DGKI: variants seen among roughly 807,000 people sequenced by gnomAD.
DGKI encodes the protein diacylglycerol kinase iota, also known as DAG kinase iota.
Under a neutral mutation model 147.5 loss-of-function variants are expected in DGKI, and 55 were observed. That is an observed-to-expected ratio of 0.37 (90% CI 0.30 to 0.47). DGKI has a LOEUF of 0.47. Ranked by LOEUF, DGKI falls within the 20% of genes least tolerant of loss-of-function variation. The pLI, the probability that DGKI is intolerant of heterozygous loss-of-function variation, is 1.00. For synonymous variants in DGKI, 469 were observed against 477.1 expected (o/e 0.98, Z 0.22); for missense variants, 1,007 against 1,323.8 (o/e 0.76, Z 3.71).
At position 137,846,802 on chromosome 7, in the gene DGKI, G is replaced by T. The variant is rs1418437648; in HGVS notation, c.61C>A (p.Arg21Ser). 8.0e-6 allele frequency: 9 copies of T among 1,121,454 alleles called. No individual in the cohort carries two copies. The highest frequency in any genetic ancestry group is 6.6e-5 in the African/African-American group (4 of 60,648). 69.5% of individuals were successfully genotyped at this position (1,121,454 alleles called of 1,614,324 possible). The change falls in exon 1 of 33, where the codon CGC (arginine) becomes AGC (serine). Residue 21 changes from arginine to serine, a missense_variant. Around this residue, in one of 5 missense-constraint regions of DGKI, gnomAD observed 137 missense variants for 114.4 expected, o/e 1.20. Transcript: ENST00000614521. The surrounding 1 kb of genome is among the most constrained non-coding windows in gnomAD (Gnocchi z 4.0). ...GCGGCGGCGGCGGCTGCAGGAGCGCGGGCAGGTCCGCGCGCCGCTGGCAGG... is the reference window on the plus strand; with the variant it reads ...GCGGCGGCGGCGGCTGCAGGAGCGCTGGCAGGTCCGCGCGCCGCTGGCAGG... ...LPLPAARGPA[R>S]APAAAAAAAA... is the part of the protein sequence containing the mutation.
intron 1 of DGKI, among the ~76,000 whole-genome samples, chr7:137,700,212 A>T (rs1823929497): frequency 6.6e-6 from 1 of 152,204 alleles, no homozygotes; most frequent in African/African-American, 2.4e-5. Context: ...AAGGAAACAG[A>T]AGTCATCCCA....
chr7:137,471,956 T>A (rs1282582254), intron 23 of DGKI, among the ~76,000 whole-genome samples: 1 of 128,562 alleles, frequency 7.8e-6, no homozygotes, highest in Non-Finnish European at 1.6e-5. Context: ...CATGTATATA[T>A]TATATATTAT....
intron 19 of DGKI, among the ~76,000 whole-genome samples, chr7:137,559,451 A>G (rs972823005): frequency 9.2e-5 from 14 of 152,020 alleles, no homozygotes; most frequent in Admixed American, 8.5e-4. Flanking sequence ...TGACTATATA[A>G]GTGATGTGAT....
In DGKI at chr7:137,720,250, CTTTTTTTTTTTTTT is replaced by C. The variant is rs552382033; in HGVS notation, c.402-30262_402-30249del. 1.2e-3 allele frequency among the ~76,000 whole-genome samples: 104 copies of C among 88,240 alleles called. 2 individuals carry two copies. The East Asian group carries it at 0.035, about 29-fold the overall frequency. 57.9% of individuals were successfully genotyped at this position (88,240 alleles called of 152,430 possible). On this transcript the variant is annotated intron_variant, in intron 1 of 32. Coordinates refer to ENST00000614521, the MANE Select transcript of DGKI (RefSeq NM_001321708.2). ...TAAGGTTTTTCACACTTGAAAAAATCTTTTTTTTTTTTTTTTTTTTTTTTTGAGACAGAGTCTCG... is the reference window on the plus strand; with the variant it reads ...TAAGGTTTTTCACACTTGAAAAAATCTTTTTTTTTTTGAGACAGAGTCTCG...
chr7:137,551,999 G>T (rs1234347022), intron 20 of DGKI, among the ~76,000 whole-genome samples: 1 of 152,206 alleles, frequency 6.6e-6, no homozygotes, highest in African/African-American at 2.4e-5. Context: ...CCTGGGTAAA[G>T]AGCAGGCTAA....
chr7:137,417,903 C>A (rs933450871), intron 28 of DGKI, among the ~76,000 whole-genome samples: 7 of 152,172 alleles, frequency 4.6e-5, no homozygotes, highest in Admixed American at 3.9e-4. Flanking sequence ...TTTGCTAGCA[C>A]CTTGATCTTG....
At chr7:137,722,631 T>G in intron 1 of DGKI, 1 of 1,580,644 alleles carries the variant, frequency 6.3e-7, no homozygotes, top group African/African-American at 1.4e-5. Context: ...TTACTGATGC[T>G]TACTTCAAGA....
At chr7:137,439,074 C>T (rs2128914941) in intron 28 of DGKI, among the ~76,000 whole-genome samples, 1 of 152,230 alleles carries the variant, frequency 6.6e-6, no homozygotes, top group South Asian at 2.1e-4. Flanking sequence ...ACATGAAGCT[C>T]CCAAATTCCT....
At chr7:137,633,572 C>T (rs573885348) in intron 6 of DGKI, among the ~76,000 whole-genome samples, 1 of 152,272 alleles carries the variant, frequency 6.6e-6, no homozygotes, top group South Asian at 2.1e-4. Flanking sequence ...AAGCAGGAGG[C>T]AGAGGTGGTG....
At chr7:137,636,723 TAGG>T (rs1821325227) in intron 6 of DGKI, among the ~76,000 whole-genome samples, 1 of 152,194 alleles carries the variant, frequency 6.6e-6, no homozygotes, top group African/African-American at 2.4e-5. Context: ...TGGGAACCGT[TAGG>T]AGGTGTTTGG....
intron 6 of DGKI, among the ~76,000 whole-genome samples, chr7:137,636,047 T>C (rs1821299068): frequency 1.3e-5 from 2 of 152,218 alleles, no homozygotes; most frequent in African/African-American, 4.8e-5. Flanking sequence ...ACAGGAGTAA[T>C]TGATCCTGAT....
chr7:137,499,800 T>C (rs927119922), intron 21 of DGKI, among the ~76,000 whole-genome samples: 16 of 152,306 alleles, frequency 1.1e-4, no homozygotes, highest in African/African-American at 3.8e-4. Flanking sequence ...TCTTGGCCAC[T>C]ATAATTGCAT....
chr7:137,698,604 C>G (rs1408128441), intron 1 of DGKI, among the ~76,000 whole-genome samples: 1 of 152,264 alleles, frequency 6.6e-6, no homozygotes, highest in Admixed American at 6.5e-5. Flanking sequence ...AGATGTGGAC[C>G]AGCAGCAGCC....
At chr7:137,489,235 T>C (rs948115081) in intron 21 of DGKI, among the ~76,000 whole-genome samples, 7 of 151,994 alleles carry the variant, frequency 4.6e-5, no homozygotes, top group Admixed American at 2.0e-4. Context: ...TAAATGAGTA[T>C]AAAAAGAGGG....
intron 1 of DGKI, among the ~76,000 whole-genome samples, chr7:137,755,713 C>T (rs775789871): frequency 7.2e-5 from 11 of 152,164 alleles, no homozygotes; most frequent in Non-Finnish European, 1.5e-4. Context: ...TCCTCCTATG[C>T]CCACTTCAGA....
At chr7:137,722,119 A>T (rs1794575259) in intron 1 of DGKI, 1 of 1,598,632 alleles carries the variant, frequency 6.3e-7, no homozygotes. Context: ...GCCCCATTGC[A>T]GCCGCAACCC....
At chr7:137,553,906 T>G (rs1281845750) in intron 19 of DGKI, among the ~76,000 whole-genome samples, 1 of 152,216 alleles carries the variant, frequency 6.6e-6, no homozygotes, top group African/African-American at 2.4e-5. Context: ...AGATAAAATG[T>G]AAAACCTGCC....
chr7:137,802,365 T>C (rs1343769424), intron 1 of DGKI, among the ~76,000 whole-genome samples: 1 of 152,176 alleles, frequency 6.6e-6, no homozygotes, highest in African/African-American at 2.4e-5. Flanking sequence ...TAAAACCACC[T>C]GTTCCCCAAA....
chr7:137,620,240 C>T (rs1209345465), intron 7 of DGKI, among the ~76,000 whole-genome samples: 4 of 152,056 alleles, frequency 2.6e-5, no homozygotes, highest in Admixed American at 2.6e-4. Context: ...CAGGATGAAG[C>T]CTGCTAAAAC....
Sources: allele counts gnomAD v4.1 joint callset (sites outside exome capture counted in the v4.1 genomes callset), GRCh38; gene constraint gnomAD v4.1.1; regional missense constraint gnomAD v4.1.1; non-coding constraint Gnocchi (gnomAD v3.1); transcripts MANE v1.5; gene names NCBI Gene and HGNC (gene_info 2026-07-23, HGNC 2026-07-21).